The following NUP93 variants were observed in gnomAD, a reference collection of about 807,000 sequenced individuals.
NUP93 encodes nucleoporin 93.
In NUP93, 55 loss-of-function variants were observed where a neutral mutation model predicts 107.8. That is an observed-to-expected ratio of 0.51 (90% CI 0.41 to 0.64). The LOEUF is 0.64. NUP93 is among the 30% of genes least tolerant of loss of function. NUP93 has a pLI of 0.00. For synonymous variants in NUP93, 390 were observed against 397.5 expected, an observed-to-expected ratio of 0.98 and a Z score of 0.22; for missense variants, 937 against 1,044.7, an observed-to-expected ratio of 0.90 and a Z score of 1.42.
chr16:56,777,062 CAG>C (rs1198648276), intron 3 of NUP93, among the ~76,000 whole-genome samples: 1 of 152,042 alleles, frequency 6.6e-6, no homozygotes, highest in Non-Finnish European at 1.5e-5. Context: ...GTGACAGAAA[CAG>C]AGACAGACTG....
chr16:56,808,956 T>G (rs1963252171), intron 5 of NUP93, among the ~76,000 whole-genome samples: 1 of 151,812 alleles, frequency 6.6e-6, no homozygotes, highest in South Asian at 2.1e-4. Context: ...CTATTAGTAC[T>G]TTCTTGTGTA....
chr16:56,776,063 T>C (rs1238145069), intron 3 of NUP93, among the ~76,000 whole-genome samples: 1 of 152,122 alleles, frequency 6.6e-6, no homozygotes, highest in African/African-American at 2.4e-5. Context: ...GCCAGATTTT[T>C]TTTTTTATTG....
rs907480784 is a variant in NUP93, at chr16:56,781,062, C to T, written c.298-17414C>T. 2.6e-5 allele frequency among the ~76,000 whole-genome samples: 4 copies of T among 152,034 alleles called. No individual in the cohort carries two copies. The East Asian group carries it at 5.8e-4, about 22-fold the overall frequency. On this transcript the variant is annotated intron_variant, in intron 3 of 21. Transcript: ENST00000308159. The stretch of plus-strand genomic sequence containing the variant: ...TCAATTTTCAGGTTATATGTTAAAA[C>T]GTGGAGGAAAAAAATCCCTTCCTGA...
chr16:56,802,055 C>T (rs1347789230), intron 4 of NUP93, among the ~76,000 whole-genome samples: 3 of 152,314 alleles, frequency 2.0e-5, no homozygotes, highest in Middle Eastern at 6.8e-3. Context: ...AGACTTGCTA[C>T]ACTTTGTGGT....
chr16:56,750,586 A>G (rs1335105028), intron 2 of NUP93, among the ~76,000 whole-genome samples: 3 of 152,228 alleles, frequency 2.0e-5, no homozygotes, highest in Non-Finnish European at 2.9e-5. Flanking sequence ...TTTTTCACAC[A>G]TGAAGAAGAG....
intron 3 of NUP93, among the ~76,000 whole-genome samples, chr16:56,786,270 G>A (rs539876785): frequency 6.6e-6 from 1 of 152,276 alleles, no homozygotes; most frequent in Non-Finnish European, 1.5e-5. Flanking sequence ...TGGCCTTAGG[G>A]TTTAGTGCAA....
intron 3 of NUP93, among the ~76,000 whole-genome samples, chr16:56,796,953 A>G (rs1478430993): frequency 2.0e-5 from 3 of 146,848 alleles, no homozygotes; most frequent in Non-Finnish European, 4.5e-5. Context: ...GCCTGGCAAC[A>G]GAGCGAGACT....
chr16:56,836,727 G>A lies in NUP93; in HGVS notation c.1899+10G>A. The A allele has an allele frequency of 1.9e-6, 3 of 1,556,980 alleles. No homozygotes were observed. Among genetic ancestry groups the A allele is most frequent in the Non-Finnish European group, 2.7e-6 (3 of 1,129,534 alleles). ...GTATGACCTTGCCAAGGTAAAGTGT[G>A]CCCACTTCCTTCTTTTGCACTTCAC... On this transcript the variant is annotated intron_variant, in intron 17 of 21. Coordinates refer to ENST00000308159, the MANE Select transcript of NUP93 (RefSeq NM_014669.5).
intron 3 of NUP93, among the ~76,000 whole-genome samples, chr16:56,792,467 G>C (rs367826006): frequency 6.6e-6 from 1 of 152,222 alleles, no homozygotes; most frequent in Non-Finnish European, 1.5e-5. Flanking sequence ...ACTTTGCTAC[G>C]TATGAACTGG....
rs915967991 is a variant in NUP93 at position 56,849,965 on chromosome 16, G to T, written c.*5356G>T. On this transcript the variant is annotated 3_prime_UTR_variant, in exon 22 of 22. Coordinates refer to ENST00000308159, the MANE Select transcript of NUP93 (RefSeq NM_014669.5). The stretch of plus-strand genomic sequence containing the variant: ...GTCATCTACTGTGTTTTTCAACCAG[G>T]AATTTCAAATACTGTGTATTTTAGA... 2.6e-5 allele frequency: 4 copies of T among 152,200 alleles called. No homozygotes were observed. Among genetic ancestry groups the T allele is most frequent in the Non-Finnish European group, 5.9e-5 (4 of 68,048 alleles). The allele number at this position is 152,200 out of a possible 1,614,324, so 9.4% of individuals were successfully genotyped here.
At chr16:56,773,733 A>G (rs1017017256) in intron 3 of NUP93, among the ~76,000 whole-genome samples, 1 of 152,216 alleles carries the variant, frequency 6.6e-6, no homozygotes, top group Non-Finnish European at 1.5e-5. Context: ...GAATTAAGTG[A>G]TAACAGAAGT....
intron 8 of NUP93, among the ~76,000 whole-genome samples, chr16:56,828,318 T>G (rs939881000): frequency 7.9e-5 from 12 of 152,106 alleles, no homozygotes; most frequent in African/African-American, 2.9e-4. Flanking sequence ...GATTCTGGAT[T>G]TAAAAACTGT....
intron 1 of NUP93, among the ~76,000 whole-genome samples, chr16:56,736,257 C>T (rs201997218): frequency 6.6e-6 from 1 of 151,608 alleles, no homozygotes; most frequent in Non-Finnish European, 1.5e-5. Flanking sequence ...TGCTTGAAAC[C>T]GGGAGGTGGA....
chr16:56,833,477 A>C lies in NUP93; in HGVS notation c.1537+71A>C. On this transcript the variant is annotated intron_variant, in intron 13 of 21. Coordinates refer to ENST00000308159, the MANE Select transcript of NUP93 (RefSeq NM_014669.5). ...CCCCCTTGGGGCGACGGTGGCCACA[A>C]AACCACAACCAATAAGGATTTGAGC... 2.4e-6 allele frequency: 3 copies of C among 1,253,122 alleles called. No individual in the cohort carries two copies. The South Asian group carries it at 5.2e-5, about 22-fold the overall frequency. The allele number at this position is 1,253,122 out of a possible 1,614,324, so 77.6% of individuals were successfully genotyped here. A position where few individuals can be genotyped will look rare whatever the true frequency, so the allele number is the denominator to read the frequency against.
intron 3 of NUP93, among the ~76,000 whole-genome samples, chr16:56,773,783 A>G (rs1386181895): frequency 6.6e-6 from 1 of 152,328 alleles, no homozygotes; most frequent in East Asian, 1.9e-4. Flanking sequence ...GTCTCTGCCA[A>G]CTTTTAAACT....
At chr16:56,782,214 G>A in intron 3 of NUP93, 2 of 985,330 alleles carry the variant, frequency 2.0e-6, no homozygotes, top group Non-Finnish European at 2.4e-6. Context: ...AAGAGCTGCA[G>A]GTAGGATTGG....
intron 1 of NUP93, 29 bp downstream of exon 1, chr16:56,730,240 GACCCT>G (rs1961509104): frequency 1.3e-5 from 2 of 152,246 alleles, no homozygotes; most frequent in Admixed American, 6.5e-5. Flanking sequence ...GCGTCCTTGC[GACCCT>G]GGGCTTGTCC....
At chr16:56,768,179 C>T (rs1413965874) in intron 3 of NUP93, among the ~76,000 whole-genome samples, 5 of 152,196 alleles carry the variant, frequency 3.3e-5, no homozygotes, top group Admixed American at 6.5e-5. Context: ...TTGAGCACCA[C>T]AAGTTTAAAT....
At chr16:56,736,361 G>A (rs565668633) in intron 1 of NUP93, among the ~76,000 whole-genome samples, 84 of 152,242 alleles carry the variant, frequency 5.5e-4, no homozygotes, top group Non-Finnish European at 1.0e-3. Flanking sequence ...AATCTGTTTC[G>A]GTAATGAGAG....
Sources: gnomAD v4.1 joint callset for allele counts (sites outside exome capture counted in the v4.1 genomes callset) on GRCh38, gnomAD v4.1.1 for gene constraint, MANE v1.5 for transcripts, NCBI Gene and HGNC (gene_info 2026-07-23, HGNC 2026-07-21) for gene names.